The following SI variants were observed in gnomAD, a reference collection of about 807,000 sequenced individuals.
The protein encoded by SI is sucrase-isomaltase, intestinal.
SI carries 235 observed loss-of-function variants against 253.3 expected under a neutral mutation model. The observed-to-expected ratio is 0.93, with a 90% CI of 0.83 to 1.03. The LOEUF (loss-of-function observed/expected upper bound fraction) is 1.03, where lower values mean the gene tolerates loss of function less well. Among genes scored for constraint, SI ranks in the 50% least tolerant of loss-of-function variants. The pLI is 0.00. For synonymous variants in SI, 819 were observed against 712.0 expected (o/e 1.15, Z -2.39); for missense variants, 2,442 against 2,211.1 (o/e 1.10, Z -2.09).
intron 23 of SI, 133 bp downstream of exon 23, chr3:165,033,262 C>G (rs1369916102): frequency 1.6e-6 from 1 of 630,788 alleles, no homozygotes; most frequent in African/African-American, 1.9e-5. Context: ...TTTAATTGAA[C>G]AATTTATTTC....
chr3:164,986,351 C>T (rs1717435172), intron 45 of SI, among the ~76,000 whole-genome samples: 1 of 152,166 alleles, frequency 6.6e-6, no homozygotes, highest in African/African-American at 2.4e-5. Flanking sequence ...ATGTTACTCT[C>T]TTTTCCTGCT....
chr3:165,003,679 C>A (rs1044264150), intron 37 of SI, among the ~76,000 whole-genome samples: 2 of 151,948 alleles, frequency 1.3e-5, no homozygotes, highest in Admixed American at 6.6e-5. Flanking sequence ...AGTTTTCAAC[C>A]CTGTCTGCTC....
intron 34 of SI, among the ~76,000 whole-genome samples, 170 bp from the exon 35 acceptor site, chr3:165,009,565 T>C (rs1718676409): frequency 6.6e-6 from 1 of 150,906 alleles, no homozygotes; most frequent in South Asian, 2.1e-4. Context: ...AACACTTCAA[T>C]AGAGTAAAGA....
Position 165,055,302 on chromosome 3 carries a change from C to T in SI, c.1404G>A (p.Trp468Ter), listed in dbSNP as rs772908401. 2 of 1,547,228 alleles carry T rather than the reference C, an allele frequency of 1.3e-6. No individual in the cohort carries two copies. The highest frequency in any genetic ancestry group is 1.8e-6 in the Non-Finnish European group (2 of 1,120,960). ...AATCAGGGTATACTGTTAATCCTGG[C>T]CATACCTAGAAGAATAGATCATTCA... Reference protein sequence around the residue: ...DGSTPIIGEVWPGLTVYPDFT... With the variant: ...DGSTPIIGEV Residue 468 changes from tryptophan (W) to a stop codon, truncating the protein, a stop_gained, in exon 13 of 48, where the codon TGG becomes TGA. Coordinates refer to ENST00000264382, the MANE Select transcript of SI (RefSeq NM_001041.4). LOFTEE classifies it high-confidence loss of function.
chr3:165,033,647 T>G (rs553157206), intron 22 of SI, among the ~76,000 whole-genome samples: 1 of 151,662 alleles, frequency 6.6e-6, no homozygotes, highest in Admixed American at 6.6e-5. Flanking sequence ...CAAGTAGAGG[T>G]AATGAATACA....
At chr3:164,983,705 T>C (rs1473775220) in intron 45 of SI, among the ~76,000 whole-genome samples, 3 of 152,064 alleles carry the variant, frequency 2.0e-5, no homozygotes. Flanking sequence ...TCCTCCCACC[T>C]CAGCCTCCTG....
At chr3:165,036,986 A>G (rs918076748) in intron 21 of SI, among the ~76,000 whole-genome samples, 1 of 151,472 alleles carries the variant, frequency 6.6e-6, no homozygotes, top group African/African-American at 2.4e-5. Context: ...TTTTTTAGTT[A>G]CATTTTACCA....
intron 12 of SI, among the ~76,000 whole-genome samples, chr3:165,058,445 A>C (rs1713809822): frequency 6.6e-6 from 1 of 151,888 alleles, no homozygotes; most frequent in Admixed American, 6.6e-5. Flanking sequence ...TCAGAGAAGA[A>C]ATACATGAAA....
chr3:164,994,283 G>A lies in SI; in HGVS notation c.4815C>T (p.Gly1605=). The part of the protein sequence containing the change: ...TQMHEIHANG[G]TVIRPLLHEF... Reference sequence around the variant, plus strand: ...CATGCAAAAGGGGTCGGATAACAGTGCCACCATTAGCATGAATTTCATGCA... The same window carrying A: ...CATGCAAAAGGGGTCGGATAACAGTACCACCATTAGCATGAATTTCATGCA... Residue 1605 remains glycine, a synonymous_variant, in exon 41 of 48, where the codon GGC becomes GGT. Transcript: ENST00000264382. 6.2e-7 allele frequency: 1 copy of A among 1,610,948 alleles called. No homozygotes were observed. Among genetic ancestry groups the A allele is most frequent in the African/African-American group, 1.3e-5 (1 of 74,882 alleles).
In SI at chr3:165,065,513, G is replaced by T. The variant is rs573659184; in HGVS notation, c.636-81C>A. ...TATATATGATATTCTACCAGATACA[G>T]GTTTATGTTAACATCATCCAGAAGA... On this transcript the variant is annotated intron_variant, in intron 6 of 47. Transcript: ENST00000264382. 1.5e-4 allele frequency: 29 copies of T among 195,174 alleles called. 5 individuals carry two copies. The East Asian group carries it at 6.4e-3, about 43-fold the overall frequency. 12.1% of individuals were successfully genotyped at this position (195,174 alleles called of 1,614,324 possible).
chr3:164,987,633 C>T (rs955071163), intron 44 of SI, among the ~76,000 whole-genome samples: 4 of 151,862 alleles, frequency 2.6e-5, no homozygotes, highest in African/African-American at 9.7e-5. Context: ...TGCTTGAACC[C>T]GGGAGGTGGA....
intron 25 of SI, among the ~76,000 whole-genome samples, chr3:165,025,679 G>C (rs960139511): frequency 1.3e-5 from 2 of 151,266 alleles, no homozygotes; most frequent in Non-Finnish European, 3.0e-5. Flanking sequence ...TTGGGGCGCT[G>C]TCTTCAGCCT....
chr3:165,057,764 G>C (rs1171221883), intron 12 of SI, among the ~76,000 whole-genome samples: 1 of 151,198 alleles, frequency 6.6e-6, no homozygotes, highest in Non-Finnish European at 1.5e-5. Context: ...CTTCAAACAT[G>C]GAAAAGAAAT....
At chr3:165,002,722 A>C (rs570325485) in intron 37 of SI, among the ~76,000 whole-genome samples, 1 of 151,856 alleles carries the variant, frequency 6.6e-6, no homozygotes, top group East Asian at 1.9e-4. Flanking sequence ...GTAATTAATT[A>C]TTTAATCTCT....
Position 164,989,869 on chromosome 3 carries a change from TG to T in SI, c.5108+1483del, listed in dbSNP as rs375495480. On this transcript the variant is annotated intron_variant, in intron 44 of 47. Transcript: ENST00000264382. ...GTATGATTCCAACTATATGACATTCTGGAAAATACAATATTACAGAGATAGT... is the reference window on the plus strand; with the variant it reads ...GTATGATTCCAACTATATGACATTCTGAAAATACAATATTACAGAGATAGT... Among the ~76,000 whole-genome samples, 279 of 152,260 alleles carry T rather than the reference TG, an allele frequency of 1.8e-3. 2 individuals carry two copies. Among genetic ancestry groups the T allele is most frequent in the African/African-American group, 6.3e-3 (260 of 41,542 alleles).
At chr3:165,082,458 G>C (rs553690299), upstream of SI, among the ~76,000 whole-genome samples, 1 of 152,056 alleles carries the variant, frequency 6.6e-6, no homozygotes, top group South Asian at 2.1e-4. Flanking sequence ...GCCCAGTGCA[G>C]TAGTCCAATG....
intron 44 of SI, among the ~76,000 whole-genome samples, chr3:164,990,750 G>A (rs2108124597): frequency 6.6e-6 from 1 of 152,164 alleles, no homozygotes; most frequent in Admixed American, 6.5e-5. Context: ...CCTGTTGTGT[G>A]GTAGGGGGAT....
Position 165,046,868 on chromosome 3 carries a change from C to T in SI, c.1860G>A (p.Leu620=), listed in dbSNP as rs1713141357. 4.3e-6 allele frequency: 7 copies of T among 1,612,910 alleles called. No individual in the cohort carries two copies. The highest frequency in any genetic ancestry group is 3.3e-5 in the Admixed American group (2 of 59,928). ...EQMEWSITGM[L]EFSLFGIPLV... The stretch of plus-strand genomic sequence containing the variant: ...AAGGTATTCCAAACAAACTGAACTC[C>T]AGCATTCCAGTTATAGACCATTCCA... Residue 620 remains leucine, a synonymous_variant, in exon 16 of 48, where the codon CTG becomes CTA. Coordinates refer to ENST00000264382, the MANE Select transcript of SI (RefSeq NM_001041.4).
At chr3:165,071,567 T>A (rs1476645687) in intron 3 of SI, among the ~76,000 whole-genome samples, 1 of 151,958 alleles carries the variant, frequency 6.6e-6, no homozygotes, top group African/African-American at 2.4e-5. Context: ...ATATTCACTG[T>A]ATTATGCCCC....
Sources: gnomAD v4.1 joint callset for allele counts (sites outside exome capture counted in the v4.1 genomes callset) on GRCh38, gnomAD v4.1.1 for gene constraint, MANE v1.5 for transcripts, NCBI Gene and HGNC (gene_info 2026-07-23, HGNC 2026-07-21) for gene names.